The following CDC73 variants were observed in gnomAD, a reference collection of about 807,000 sequenced individuals.
CDC73 encodes parafibromin.
In CDC73, 21 loss-of-function variants were observed where a neutral mutation model predicts 83.7. That is an observed-to-expected ratio of 0.25 (90% CI 0.18 to 0.36). The LOEUF is 0.36. Among genes scored for constraint, CDC73 ranks in the 10% least tolerant of loss-of-function variants. CDC73 has a pLI of 1.00. For missense variants in CDC73, 342 were observed against 653.3 expected (o/e 0.52, Z 5.19); for synonymous variants, 224 against 212.9 (o/e 1.05, Z -0.45).
intron 15 of CDC73, among the ~76,000 whole-genome samples, chr1:193,244,936 T>C (rs935926788): frequency 9.2e-5 from 14 of 152,366 alleles, no homozygotes; most frequent in African/African-American, 3.4e-4. Flanking sequence ...TATGTGTCTT[T>C]AGTGCCTACA....
intron 13 of CDC73, among the ~76,000 whole-genome samples, chr1:193,222,795 C>G (rs1364141215): frequency 2.7e-5 from 4 of 150,094 alleles, no homozygotes; most frequent in African/African-American, 7.4e-5. Context: ...TTCCCCATCC[C>G]CCCTTTTTTC....
intron 7 of CDC73, among the ~76,000 whole-genome samples, chr1:193,143,279 A>G (rs902349875): frequency 6.6e-6 from 1 of 152,192 alleles, no homozygotes; most frequent in African/African-American, 2.4e-5. Flanking sequence ...GCTATTTACA[A>G]CAAAATGATT....
At chr1:193,192,567 T>C (rs554445858) in intron 10 of CDC73, among the ~76,000 whole-genome samples, 92 of 152,318 alleles carry the variant, frequency 6.0e-4, no homozygotes, top group Admixed American at 1.4e-3. Flanking sequence ...ATCTTCAGTA[T>C]GATTGGTTAT....
At chr1:193,188,515 A>G (rs1205670165) in intron 10 of CDC73, among the ~76,000 whole-genome samples, 2 of 151,686 alleles carry the variant, frequency 1.3e-5, no homozygotes, top group Non-Finnish European at 2.9e-5. Context: ...GAATGTTTAT[A>G]TTTTCACTTT....
intron 5 of CDC73, among the ~76,000 whole-genome samples, chr1:193,137,274 A>G (rs1174551416): frequency 1.3e-5 from 2 of 152,228 alleles, no homozygotes; most frequent in African/African-American, 4.8e-5. Flanking sequence ...TATTCATTTT[A>G]AGATTTTTAC....
At chr1:193,156,116 G>T (rs897832184) in intron 10 of CDC73, among the ~76,000 whole-genome samples, 5 of 152,152 alleles carry the variant, frequency 3.3e-5, no homozygotes, top group African/African-American at 9.7e-5. Flanking sequence ...TAAATAAGAG[G>T]ATATAATGAA....
At chr1:193,165,221 A>T (rs531987443) in intron 10 of CDC73, among the ~76,000 whole-genome samples, 1 of 152,280 alleles carries the variant, frequency 6.6e-6, no homozygotes, top group African/African-American at 2.4e-5. Context: ...TTACAGGTTG[A>T]TAGTCAAATT....
chr1:193,185,891 A>C (rs1296222774), intron 10 of CDC73: 1 of 152,190 alleles, frequency 6.6e-6, no homozygotes, highest in South Asian at 2.1e-4. Flanking sequence ...AAAATCAGAT[A>C]TTAAGAAACC....
chr1:193,207,316 G>T (rs912652826), intron 11 of CDC73, among the ~76,000 whole-genome samples: 2 of 152,132 alleles, frequency 1.3e-5, no homozygotes, highest in Non-Finnish European at 2.9e-5. Context: ...ACTGATGAGG[G>T]TCTATGTCCC....
intron 6 of CDC73, chr1:193,141,127 G>T (rs1042598565): frequency 1.3e-5 from 2 of 151,990 alleles, no homozygotes; most frequent in Non-Finnish European, 2.9e-5. Context: ...TAATATTTTT[G>T]TCTACTGTTA....
At chr1:193,147,466 C>A (rs1298078677) in intron 7 of CDC73, among the ~76,000 whole-genome samples, 1 of 150,216 alleles carries the variant, frequency 6.7e-6, no homozygotes, top group Non-Finnish European at 1.5e-5. Context: ...CTCCCGTGTT[C>A]ACACCATATT....
intron 15 of CDC73, among the ~76,000 whole-genome samples, chr1:193,241,217 G>A (rs1377133197): frequency 1.3e-5 from 2 of 152,172 alleles, no homozygotes; most frequent in African/African-American, 4.8e-5. Context: ...ATTGGGTGGG[G>A]CACTTTGGCT....
chr1:193,162,828 C>G (rs970929052), intron 10 of CDC73, among the ~76,000 whole-genome samples: 1 of 152,084 alleles, frequency 6.6e-6, no homozygotes, highest in African/African-American at 2.4e-5. Flanking sequence ...TTTGTCATTT[C>G]TGTCTTATGT....
chr1:193,169,364 G>A (rs567797899), intron 10 of CDC73, among the ~76,000 whole-genome samples: 11 of 152,278 alleles, frequency 7.2e-5, no homozygotes, highest in African/African-American at 2.6e-4. Flanking sequence ...GGCCAACATG[G>A]TGAAATCCTG....
chr1:193,203,419 A>C (rs1408132396), intron 10 of CDC73, among the ~76,000 whole-genome samples: 1 of 152,106 alleles, frequency 6.6e-6, no homozygotes, highest in Non-Finnish European at 1.5e-5. Context: ...ATTTATTTTG[A>C]GATTGTCTAG....
rs11583414 is a variant in CDC73, at chr1:193,249,713, C to T, written c.1418-17C>T. On this transcript the variant is annotated splice_polypyrimidine_tract_variant and intron_variant, in intron 15 of 16. Transcript: ENST00000367435. ...ATTTTGAGTAAAAATGATAACTTCT[C>T]TCCACCCTCTCTATAGTTAAAGCCT... 14 of 1,594,818 alleles carry T rather than the reference C, an allele frequency of 8.8e-6. No individual in the cohort carries two copies. Among genetic ancestry groups the T allele is most frequent in the Non-Finnish European group, 1.1e-5 (13 of 1,163,250 alleles).
At chr1:193,151,876 C>T (rs1199994823) in intron 9 of CDC73, among the ~76,000 whole-genome samples, 1 of 152,042 alleles carries the variant, frequency 6.6e-6, no homozygotes, top group Non-Finnish European at 1.5e-5. Flanking sequence ...GAAGAGGTTG[C>T]AGTGAACTGC....
At chr1:193,138,766 G>A (rs1490324324) in intron 6 of CDC73, among the ~76,000 whole-genome samples, 2 of 136,008 alleles carry the variant, frequency 1.5e-5, no homozygotes, top group Non-Finnish European at 3.1e-5. Context: ...CTGTTGTACT[G>A]AACTTTAATT....
intron 15 of CDC73, among the ~76,000 whole-genome samples, chr1:193,236,599 A>G (rs1677763219): frequency 1.3e-5 from 2 of 152,110 alleles, no homozygotes; most frequent in South Asian, 4.1e-4. Context: ...TTTTTAGATC[A>G]CTTAAAAATC....
Sources: allele counts gnomAD v4.1 joint callset (sites outside exome capture counted in the v4.1 genomes callset), GRCh38; gene constraint gnomAD v4.1.1; transcripts MANE v1.5; gene names NCBI Gene and HGNC (gene_info 2026-07-23, HGNC 2026-07-21).